The following DNAI3 variants were observed in gnomAD, a reference collection of about 807,000 sequenced individuals.
The protein encoded by DNAI3 is WD repeat domain 63.
Under a neutral mutation model 115.5 loss-of-function variants are expected in DNAI3, and 83 were observed. The ratio of observed to expected loss-of-function variants is 0.72; its 90% CI spans 0.60 to 0.86. The LOEUF (loss-of-function observed/expected upper bound fraction) is 0.86. DNAI3 is among the 40% of genes least tolerant of loss of function. The pLI, the probability that DNAI3 is intolerant of heterozygous loss-of-function variation, is 0.00. For synonymous variants in DNAI3, 320 were observed against 347.0 expected, an observed-to-expected ratio of 0.92 and a Z score of 0.86; for missense variants, 1,004 against 1,075.8, an observed-to-expected ratio of 0.93 and a Z score of 0.93.
rs376558486 is a variant in DNAI3, at chr1:85,090,140, G to A, written c.765G>A (p.Thr255=). The change falls in exon 8 of 23, where the codon ACG becomes ACA. Residue 255 remains threonine (T), a synonymous_variant. Transcript: ENST00000294664. ...TKWTYPKNAT[T]QYYPREFSEE... is the part of the protein sequence containing the mutation. The stretch of plus-strand genomic sequence containing the variant: ...GGACATATCCTAAAAATGCTACTAC[G>A]CAATATTATCCAAGAGAATTCTCAG... 46 of 1,572,844 alleles carry A rather than the reference G, an allele frequency of 2.9e-5. No homozygotes were observed. Among genetic ancestry groups the A allele is most frequent in the African/African-American group, 2.0e-4 (15 of 73,266 alleles).
At chr1:85,124,029 C>A in intron 18 of DNAI3, 92 bp from the exon 19 acceptor site, 1 of 1,539,988 alleles carries the variant, frequency 6.5e-7, no homozygotes. Context: ...ATTCATGGGG[C>A]CCTGTCTGTC....
intron 12 of DNAI3, among the ~76,000 whole-genome samples, chr1:85,097,970 C>G (rs2100585861): frequency 6.6e-6 from 1 of 152,270 alleles, no homozygotes; most frequent in African/African-American, 2.4e-5. Flanking sequence ...GAGCACTGGA[C>G]AGAAGAGCGG....
Position 85,081,760 on chromosome 1 carries a change from G to A in DNAI3, c.285+345G>A, listed in dbSNP as rs533521811. On this transcript the variant is annotated intron_variant, in intron 4 of 22. Transcript: ENST00000294664. ...CCTCCCAGGTTCAAGCAATCCTCCC[G>A]TTTCAGCCTCCTGAGTAACTGGGAC... Among the ~76,000 whole-genome samples the A allele has an allele frequency of 7.2e-5, 11 of 152,204 alleles. No individual in the cohort carries two copies. The East Asian group carries it at 7.7e-4, about 11-fold the overall frequency.
chr1:85,110,060 A>G lies in DNAI3; in HGVS notation c.1711A>G (p.Lys571Glu), dbSNP rs1010732170. 8 of 1,613,676 alleles carry G rather than the reference A, an allele frequency of 5.0e-6. No individual in the cohort carries two copies. The highest frequency in any genetic ancestry group is 5.9e-6 in the Non-Finnish European group (7 of 1,179,824). Residue 571 changes from lysine (K) to glutamate (E), a missense_variant, in exon 16 of 23, where the codon AAG becomes GAG. Physicochemically the swap from Lys to Glu is moderately conservative, Grantham distance 56. This residue lies in a region of DNAI3 where 429 missense variants were observed against 454.3 expected (regional missense o/e 0.94). Coordinates refer to ENST00000294664, the MANE Select transcript of DNAI3 (RefSeq NM_145172.5). ...WKPLTKVRLSKGETSLDHCPT... is the reference protein window; with the variant it reads ...WKPLTKVRLSEGETSLDHCPT... ...GTTCTCCCAAAAGGTAAGGCTGTCC[A>G]AGGGTGAAACAAGTTTAGACCACTG...
intron 22 of DNAI3, among the ~76,000 whole-genome samples, chr1:85,131,242 C>T (rs1032199997): frequency 6.6e-6 from 1 of 151,834 alleles, no homozygotes; most frequent in African/African-American, 2.4e-5. Flanking sequence ...GTCAGGAGTT[C>T]GAGACCAGCT....
chr1:85,115,783 T>C (rs1655799121), intron 16 of DNAI3, among the ~76,000 whole-genome samples: 1 of 152,144 alleles, frequency 6.6e-6, no homozygotes, highest in Non-Finnish European at 1.5e-5. Context: ...CAGTTCACAA[T>C]AGTGTTCACG....
At chr1:85,082,661 G>A (rs1457827386) in intron 5 of DNAI3, among the ~76,000 whole-genome samples, 1 of 152,054 alleles carries the variant, frequency 6.6e-6, no homozygotes, top group Non-Finnish European at 1.5e-5. Flanking sequence ...CCCAGGCTGG[G>A]CAATTTGTTG....
At chr1:85,117,888 T>C (rs780924046) in intron 17 of DNAI3, 29 bp downstream of exon 17, 1 of 1,604,272 alleles carries the variant, frequency 6.2e-7, no homozygotes, top group Non-Finnish European at 8.5e-7. Context: ...CTTTTAAAAT[T>C]AATACTTATT....
In DNAI3 at chr1:85,098,610, A is replaced by T. The variant is rs368650006; in HGVS notation, c.1431A>T (p.Gly477=). 1.9e-6 allele frequency: 3 copies of T among 1,613,526 alleles called. No individual in the cohort carries two copies. The African/African-American group carries it at 4.0e-5, about 22-fold the overall frequency. The change falls in exon 13 of 23, where the codon GGA becomes GGT. Residue 477 remains glycine (G), a synonymous_variant. Transcript: ENST00000294664. ...GTGCAGTCTCTTCAATAGAAAATGGACATAAGAAAGTAATTACAGATATAC... is the reference window on the plus strand; with the variant it reads ...GTGCAGTCTCTTCAATAGAAAATGGTCATAAGAAAGTAATTACAGATATAC... ...RHCAVSSIEN[G]HKKVITDIHW...
At chr1:85,119,571 T>C (rs540089916) in intron 17 of DNAI3, among the ~76,000 whole-genome samples, 2 of 152,324 alleles carry the variant, frequency 1.3e-5, no homozygotes, top group South Asian at 4.1e-4. Flanking sequence ...CAGTGACAAC[T>C]CAGTACAACA....
intron 15 of DNAI3, among the ~76,000 whole-genome samples, chr1:85,108,887 G>C (rs532243851): frequency 1.3e-5 from 2 of 152,346 alleles, no homozygotes; most frequent in South Asian, 4.1e-4. Flanking sequence ...TCCAAATGGT[G>C]TGTGTAATAA....
At chr1:85,072,499 A>G (rs7517215) in intron 2 of DNAI3, among the ~76,000 whole-genome samples, 147,871 of 151,554 alleles carry the variant, frequency 0.98, 72,190 homozygotes, top group Non-Finnish European at 1. Flanking sequence ...CAAATTAGCC[A>G]GGCGTGGTGG....
intron 10 of DNAI3, 52 bp downstream of exon 10, chr1:85,094,607 T>G: frequency 6.3e-7 from 1 of 1,594,614 alleles, no homozygotes. Context: ...ACTACTTTCA[T>G]GTATACCTTT....
chr1:85,133,067 A>G lies in DNAI3; in HGVS notation c.*69A>G. ...TTATTTTTATGTCAGGTGAACTGGCATGCTGAACATATATATATATAGGCT... is the reference window on the plus strand; with the variant it reads ...TTATTTTTATGTCAGGTGAACTGGCGTGCTGAACATATATATATATAGGCT... On this transcript the variant is annotated 3_prime_UTR_variant, in exon 23 of 23. Transcript: ENST00000294664. 1 of 1,507,890 alleles carries G rather than the reference A, an allele frequency of 6.6e-7. No individual in the cohort carries two copies. The highest frequency in any genetic ancestry group is 1.3e-5 in the South Asian group (1 of 78,398). The allele number at this position is 1,507,890 out of a possible 1,614,324, so 93.4% of individuals were successfully genotyped here. A position where few individuals can be genotyped will look rare whatever the true frequency, so the allele number is the denominator to read the frequency against.
chr1:85,084,275 T>TAC (rs140663302), intron 5 of DNAI3, among the ~76,000 whole-genome samples: 5 of 114,240 alleles, frequency 4.4e-5, no homozygotes, highest in African/African-American at 1.2e-4. Flanking sequence ...TATATATATA[T>TAC]ATACACATCC....
At chr1:85,116,314 A>C (rs1331223043) in intron 16 of DNAI3, among the ~76,000 whole-genome samples, 1 of 152,210 alleles carries the variant, frequency 6.6e-6, no homozygotes, top group African/African-American at 2.4e-5. Context: ...CTCCACTTCC[A>C]GTCTCTCACT....
chr1:85,116,870 A>AG (rs1655835919), intron 16 of DNAI3, among the ~76,000 whole-genome samples: 1 of 152,218 alleles, frequency 6.6e-6, no homozygotes, highest in Non-Finnish European at 1.5e-5. Flanking sequence ...CAAAGAGAGT[A>AG]TTGGTTGACT....
intron 19 of DNAI3, among the ~76,000 whole-genome samples, chr1:85,124,669 G>A (rs1008205742): frequency 4.6e-5 from 7 of 152,226 alleles, no homozygotes; most frequent in East Asian, 3.9e-4. Context: ...TAGCTGGGAC[G>A]ACAGGTGTAC....
At chr1:85,087,362 C>T (rs758181843) in intron 7 of DNAI3, among the ~76,000 whole-genome samples, 6 of 134,020 alleles carry the variant, frequency 4.5e-5, no homozygotes, top group Admixed American at 8.9e-5. Context: ...CTTGAACCCG[C>T]GAGGTAGAGG....
Sources: allele counts gnomAD v4.1 joint callset (sites outside exome capture counted in the v4.1 genomes callset), GRCh38; gene constraint gnomAD v4.1.1; regional missense constraint gnomAD v4.1.1; transcripts MANE v1.5; gene names NCBI Gene and HGNC (gene_info 2026-07-23, HGNC 2026-07-21).